VGLL3: variants seen among roughly 807,000 people sequenced by gnomAD.
VGLL3 encodes transcription cofactor vestigial-like protein 3.
In VGLL3, 18 loss-of-function variants were observed where a neutral mutation model predicts 29.2. The ratio of observed to expected loss-of-function variants is 0.62; its 90% confidence interval spans 0.43 to 0.91. VGLL3 has a LOEUF of 0.91. VGLL3 is among the 40% of genes least tolerant of loss of function. VGLL3 has a pLI of 0.00. For missense variants in VGLL3, 440 were observed against 413.2 expected (o/e 1.06, Z -0.56); for synonymous variants, 180 against 151.8 (o/e 1.19, Z -1.36).
chr3:86,960,629 T>C (rs1444703348), intron 3 of VGLL3, among the ~76,000 whole-genome samples: 1 of 152,142 alleles, frequency 6.6e-6, no homozygotes, highest in Non-Finnish European at 1.5e-5. Flanking sequence ...TGTAGTTTTG[T>C]TCCCTCTGTC....
chr3:86,961,910 T>A (rs778538629), intron 3 of VGLL3: 324 of 976,612 alleles, frequency 3.3e-4, no homozygotes, highest in Admixed American at 4.3e-4. Flanking sequence ...CTAAACACAA[T>A]TTAAAATGCT....
chr3:86,979,637 A>T (rs1705282285), intron 1 of VGLL3, among the ~76,000 whole-genome samples: 1 of 152,160 alleles, frequency 6.6e-6, no homozygotes, highest in Non-Finnish European at 1.5e-5. Context: ...ATTCTATAAC[A>T]TGGCTATTAA....
Position 86,949,084 on chromosome 3 carries a change from T to C in VGLL3, c.938-2017A>G, listed in dbSNP as rs566788586. Among the ~76,000 whole-genome samples the C allele has an allele frequency of 1.8e-4, 28 of 152,344 alleles. No homozygotes were observed. In the East Asian group the frequency reaches 5.4e-3, roughly 29 times the overall value. The stretch of plus-strand genomic sequence containing the variant: ...GAATGTCAGCACTGCAAGTCATGAA[T>C]ACTGTTGTAATCATCAAGTGGTTTG... On this transcript the variant is annotated intron_variant, in intron 3 of 3. Transcript: ENST00000398399.
rs1012314725 is a variant in VGLL3, at chr3:86,940,466, A to G, written c.*6558T>C. ...TATAATCTATTCCTTGCTGTAACAT[A>G]TAGACTTCTTGGCCCTAGAAATTAA... On this transcript the variant is annotated 3_prime_UTR_variant, in exon 4 of 4. Transcript: ENST00000398399. 1.3e-5 allele frequency: 2 copies of G among 152,600 alleles called. No homozygotes were observed. Among genetic ancestry groups the G allele is most frequent in the African/African-American group, 2.4e-5 (1 of 41,464 alleles). The allele number at this position is 152,600 out of a possible 1,614,324, so 9.5% of individuals were successfully genotyped here. A position where few individuals can be genotyped will look rare whatever the true frequency, so the allele number is the denominator to read the frequency against.
Position 86,946,394 on chromosome 3 carries a change from G to A in VGLL3, c.*630C>T, listed in dbSNP as rs1384213303. 2 of 151,994 alleles carry A rather than the reference G, an allele frequency of 1.3e-5. No homozygotes were observed. Among genetic ancestry groups the A allele is most frequent in the African/African-American group, 2.4e-5 (1 of 41,386 alleles). 9.4% of individuals were successfully genotyped at this position (151,994 alleles called of 1,614,324 possible). Reference sequence around the variant, plus strand: ...AACAATACTGCATTGGTTTGACTACGGTATAGCTACTTTTGTAAGAAGGAA... The same window carrying A: ...AACAATACTGCATTGGTTTGACTACAGTATAGCTACTTTTGTAAGAAGGAA... On this transcript the variant is annotated 3_prime_UTR_variant, in exon 4 of 4. Coordinates refer to ENST00000398399, the MANE Select transcript of VGLL3 (RefSeq NM_016206.4).
chr3:86,979,439 G>A (rs1349947374), intron 1 of VGLL3, among the ~76,000 whole-genome samples: 1 of 152,104 alleles, frequency 6.6e-6, no homozygotes, highest in Non-Finnish European at 1.5e-5. Context: ...CCATTATCAT[G>A]AGGGGAAAAG....
At chr3:86,949,784 G>GCA (rs1559719501) in intron 3 of VGLL3, among the ~76,000 whole-genome samples, 33 of 145,312 alleles carry the variant, frequency 2.3e-4, no homozygotes, top group African/African-American at 8.0e-4. Context: ...CCGAGATCAT[G>GCA]CCACTGCACT....
chr3:86,969,108 G>A lies in VGLL3; in HGVS notation c.419C>T (p.Ser140Leu), dbSNP rs752566568. ...AGTTGGGAAACTATTCCGCTGGCTT[G>A]AGAGAGCTGAGCTGTCTGAGAAGAC... ...TPLWRDSSAL[S>L]SQRNSFPTSF... Residue 140 changes from serine to leucine, a missense_variant, in exon 3 of 4, where the codon TCA (serine) becomes TTA (leucine). Transcript: ENST00000398399. 2.5e-6 allele frequency: 4 copies of A among 1,600,500 alleles called. No individual in the cohort carries two copies. Among genetic ancestry groups the A allele is most frequent in the African/African-American group, 2.7e-5 (2 of 74,702 alleles).
In VGLL3 at chr3:86,938,381, C is replaced by T. The variant is rs892971984; in HGVS notation, c.*8643G>A. ...AGCTCATTTGAAAAAGATTCTTAAG[C>T]TTTCAACAGAAGGAATAGGGGAGTT... On this transcript the variant is annotated 3_prime_UTR_variant, in exon 4 of 4. Coordinates refer to ENST00000398399, the MANE Select transcript of VGLL3 (RefSeq NM_016206.4). 1 of 152,590 alleles carries T rather than the reference C, an allele frequency of 6.6e-6. No individual in the cohort carries two copies. The highest frequency in any genetic ancestry group is 1.5e-5 in the Non-Finnish European group (1 of 68,026). The allele number at this position is 152,590 out of a possible 1,614,324, so 9.5% of individuals were successfully genotyped here. A position where few individuals can be genotyped will look rare whatever the true frequency, so the allele number is the denominator to read the frequency against.
At chr3:86,976,364 A>AT (rs148784276) in intron 2 of VGLL3, among the ~76,000 whole-genome samples, 115 of 152,358 alleles carry the variant, frequency 7.5e-4, no homozygotes, top group African/African-American at 2.6e-3. Context: ...CTTATGTAAA[A>AT]TAACATATTT....
intron 3 of VGLL3, among the ~76,000 whole-genome samples, chr3:86,952,301 C>T (rs1405921120): frequency 6.6e-6 from 1 of 152,122 alleles, no homozygotes; most frequent in Non-Finnish European, 1.5e-5. Context: ...TAACAAAAAA[C>T]GTTACACTAA....
At chr3:86,971,501 G>T (rs1705099674) in intron 2 of VGLL3, among the ~76,000 whole-genome samples, 1 of 152,192 alleles carries the variant, frequency 6.6e-6, no homozygotes. Flanking sequence ...GCAAAGAATG[G>T]AACTGCACAC....
chr3:86,947,614 G>A (rs1294489665), intron 3 of VGLL3, among the ~76,000 whole-genome samples: 2 of 152,054 alleles, frequency 1.3e-5, no homozygotes, highest in Non-Finnish European at 2.9e-5. Context: ...AATAAACACA[G>A]TTGGTTCATA....
chr3:86,978,492 G>A, intron 2 of VGLL3, 34 bp downstream of exon 2: 1 of 1,603,674 alleles, frequency 6.2e-7, no homozygotes. Flanking sequence ...AACAAAGACA[G>A]TGCCCTGGAG....
Position 86,969,135 on chromosome 3 carries a change from G to A in VGLL3, c.404-12C>T. On this transcript the variant is annotated splice_polypyrimidine_tract_variant and intron_variant, in intron 2 of 3. Transcript: ENST00000398399. ...GAGAGCTGAGCTGTCTGAGAAGACA[G>A]AAAATAAAAAACATTATTAACATAA... 2 of 1,545,068 alleles carry A rather than the reference G, an allele frequency of 1.3e-6. No homozygotes were observed. Among genetic ancestry groups the A allele is most frequent in the Non-Finnish European group, 8.7e-7 (1 of 1,147,510 alleles).
rs1397361358 is a variant in VGLL3, at chr3:86,939,916, G to C, written c.*7108C>G. 6.6e-6 allele frequency: 1 copy of C among 152,132 alleles called. No individual in the cohort carries two copies. Among genetic ancestry groups the C allele is most frequent in the South Asian group, 2.1e-4 (1 of 4,818 alleles). The allele number at this position is 152,132 out of a possible 1,614,324, so 9.4% of individuals were successfully genotyped here. A position where few individuals can be genotyped will look rare whatever the true frequency, so the allele number is the denominator to read the frequency against. Reference sequence around the variant, plus strand: ...ACATTCTGTAGCCCACCAAGACTAAGATCTTTGCTGAATGTCTGACTGACA... The same window carrying C: ...ACATTCTGTAGCCCACCAAGACTAACATCTTTGCTGAATGTCTGACTGACA... On this transcript the variant is annotated 3_prime_UTR_variant, in exon 4 of 4. Transcript: ENST00000398399.
At chr3:86,972,815 T>C (rs1168185980) in intron 2 of VGLL3, among the ~76,000 whole-genome samples, 1 of 152,166 alleles carries the variant, frequency 6.6e-6, no homozygotes, top group Non-Finnish European at 1.5e-5. Flanking sequence ...GTCTAACACA[T>C]ACAAAATGCC....
At position 86,938,169 on chromosome 3, in the gene VGLL3, T is replaced by C. The variant is rs1704316121; in HGVS notation, c.*8855A>G. The C allele has an allele frequency of 6.6e-6, 1 of 152,222 alleles. No individual in the cohort carries two copies. The highest frequency in any genetic ancestry group is 1.5e-5 in the Non-Finnish European group (1 of 68,034). The allele number at this position is 152,222 out of a possible 1,614,324, so 9.4% of individuals were successfully genotyped here. ...TGAGTTATAATTGACACATAAAAGT[T>C]ATATATATTTAAGGTATACGATATG... On this transcript the variant is annotated 3_prime_UTR_variant, in exon 4 of 4. Transcript: ENST00000398399.
Position 86,968,602 on chromosome 3 carries a change from C to A in VGLL3, c.925G>T (p.Gly309Ter), listed in dbSNP as rs767922778. The change falls in exon 3 of 4, where the codon GGA becomes TGA. Residue 309 changes from glycine (G) to a stop codon, truncating the protein, a stop_gained. Coordinates refer to ENST00000398399, the MANE Select transcript of VGLL3 (RefSeq NM_016206.4). LOFTEE classifies it high-confidence loss of function. ...TCCAGCAGCTTACCTGTATCGAATC[C>A]CACGCTGGGCACTATGTCTACTGTT... is the stretch of plus-strand genomic sequence containing the variant. ...HGTVDIVPSV[G>*]FDTGLQHQDK... is the part of the protein sequence containing the mutation. 1.2e-6 allele frequency: 2 copies of A among 1,612,632 alleles called. No homozygotes were observed. The highest frequency in any genetic ancestry group is 1.7e-6 in the Non-Finnish European group (2 of 1,179,138).
Sources: gnomAD v4.1 joint callset for allele counts (sites outside exome capture counted in the v4.1 genomes callset) on GRCh38, gnomAD v4.1.1 for gene constraint, MANE v1.5 for transcripts, NCBI Gene and HGNC (gene_info 2026-07-23, HGNC 2026-07-21) for gene names.